Variants in STT3A observed in about 807,000 individuals in gnomAD.
STT3A encodes dolichyl-diphosphooligosaccharide--protein glycosyltransferase subunit STT3A.
A neutral mutation model predicts 89.2 loss-of-function variants in STT3A; 34 were observed. That is an observed-to-expected ratio of 0.38 (90% CI 0.29 to 0.51). STT3A has a LOEUF of 0.51. Among genes scored for constraint, STT3A ranks in the 20% least tolerant of loss-of-function variants. The pLI is 0.89. For synonymous variants in STT3A, 282 were observed against 310.3 expected (o/e 0.91, Z 0.96); for missense variants, 555 against 889.5 (o/e 0.62, Z 4.78).
At chr11:125,596,040 A>G in intron 2 of STT3A, 37 bp downstream of exon 2, 1 of 1,474,948 alleles carries the variant, frequency 6.8e-7, no homozygotes. Flanking sequence ...CTTTGGGGAT[A>G]GAAAGAAGAA....
At chr11:125,601,959 C>T (rs993539967) in intron 3 of STT3A, among the ~76,000 whole-genome samples, 4 of 151,960 alleles carry the variant, frequency 2.6e-5, no homozygotes, top group Non-Finnish European at 5.9e-5. Context: ...CCACCGTGCC[C>T]AGCTAATTTT....
At position 125,609,567 on chromosome 11, in the gene STT3A, G is replaced by C; in HGVS notation, c.1095G>C (p.Gln365His). 6.2e-7 allele frequency: 1 copy of C among 1,613,108 alleles called. No homozygotes were observed. Among genetic ancestry groups the C allele is most frequent in the Non-Finnish European group, 8.5e-7 (1 of 1,179,822 alleles). Residue 365 changes from glutamine (Q) to histidine (H), a missense_variant, in exon 10 of 18, where the codon CAG (glutamine) becomes CAC (histidine). By Grantham distance (24) the Gln-to-His change is conservative (BLOSUM62 0). Coordinates refer to ENST00000392708, the MANE Select transcript of STT3A (RefSeq NM_152713.5). ...TTWSSYYFDL[Q>H]LLVFMFPVGL... ...GGTCCTCATACTATTTTGACCTGCAGCTCCTCGTCTTCATGTTTCCAGGTA... is the reference window on the plus strand; with the variant it reads ...GGTCCTCATACTATTTTGACCTGCACCTCCTCGTCTTCATGTTTCCAGGTA...
At chr11:125,594,409 G>A (rs536720079) in intron 1 of STT3A, among the ~76,000 whole-genome samples, 2 of 151,866 alleles carry the variant, frequency 1.3e-5, no homozygotes, top group African/African-American at 2.4e-5. Flanking sequence ...GTGAAACCCC[G>A]TCTCTACTAA....
intron 8 of STT3A, 95 bp from the exon 9 acceptor site, chr11:125,608,014 C>A: frequency 7.6e-7 from 1 of 1,317,390 alleles, no homozygotes; most frequent in Non-Finnish European, 1.0e-6. Context: ...CTCATTTGAC[C>A]ATTTGGTTTG....
upstream of STT3A, chr11:125,592,752 T>G (rs961165142): frequency 1.4e-5 from 4 of 292,006 alleles, no homozygotes; most frequent in African/African-American, 8.9e-5. Flanking sequence ...CCTCCGGATT[T>G]GACAGACAGT....
chr11:125,592,319 C>A (rs143466088), upstream of STT3A: 18 of 431,416 alleles, frequency 4.2e-5, no homozygotes, highest in Middle Eastern at 1.0e-3. Context: ...AAAAGACGAA[C>A]TGTCTGGACC....
intron 16 of STT3A, 91 bp from the exon 17 acceptor site, chr11:125,619,920 C>A: frequency 9.3e-7 from 1 of 1,076,266 alleles, no homozygotes; most frequent in Non-Finnish European, 1.4e-6. Context: ...GAATAATCAT[C>A]AATTAGTAGA....
chr11:125,618,227 T>C, intron 15 of STT3A, 146 bp from the exon 16 acceptor site: 3 of 731,222 alleles, frequency 4.1e-6, no homozygotes, highest in Non-Finnish European at 2.2e-6. Context: ...TTTGCCCGTA[T>C]GTTGTCCTCA....
intron 4 of STT3A, 137 bp downstream of exon 4, chr11:125,602,561 T>G (rs1203734198): frequency 8.5e-7 from 1 of 1,181,274 alleles, no homozygotes; most frequent in Admixed American, 3.0e-5. Flanking sequence ...TTCCTAAAAG[T>G]GCATCTTACA....
In STT3A at chr11:125,596,106, A is replaced by G. The variant is rs12289190; in HGVS notation, c.88+103A>G. The G allele has an allele frequency of 0.065, 57,954 of 890,458 alleles. 2,774 individuals are homozygous for G. Among genetic ancestry groups the G allele is most frequent in the African/African-American group, 0.21 (12,537 of 58,382 alleles). 55.2% of individuals were successfully genotyped at this position (890,458 alleles called of 1,614,324 possible). ...TAAAATGCCTTGTTCTTTTTAGCAG[A>G]TTGTTACATTTTTCCATTCCTCATT... On this transcript the variant is annotated intron_variant, in intron 2 of 17. Transcript: ENST00000392708.
Position 125,613,055 on chromosome 11 carries a change from G to A in STT3A, c.1432G>A (p.Val478Met), listed in dbSNP as rs1940073238. 6.2e-7 allele frequency: 1 copy of A among 1,613,976 alleles called. No individual in the cohort carries two copies. The highest frequency in any genetic ancestry group is 8.5e-7 in the Non-Finnish European group (1 of 1,180,030). ...LITYTFHSTW[V>M]TSEAYSSPSI... ...CACCTACACCTTTCATTCAACCTGG[G>A]TGACCAGTGAGGCCTACTCTTCTCC... Residue 478 changes from valine to methionine, a missense_variant, in exon 13 of 18, where the codon GTG (valine) becomes ATG (methionine). Transcript: ENST00000392708. This position sits in a 1 kb window ranked among gnomAD's most constrained non-coding sequence, Gnocchi z 4.2.
chr11:125,596,222 T>C (rs1339888783), intron 2 of STT3A, among the ~76,000 whole-genome samples: 1 of 152,198 alleles, frequency 6.6e-6, no homozygotes, highest in Non-Finnish European at 1.5e-5. Context: ...CCCAGCACTT[T>C]GGGAGGCTGG....
rs571844782 is a variant in STT3A, at chr11:125,603,142, T to G, written c.417+194T>G. Reference sequence around the variant, plus strand: ...GTGTTTTTTATCATTAGCAACTGTTTGTCCTTATGAGAGTACAGTTGAAAG... The same window carrying G: ...GTGTTTTTTATCATTAGCAACTGTTGGTCCTTATGAGAGTACAGTTGAAAG... On this transcript the variant is annotated intron_variant, in intron 5 of 17. Coordinates refer to ENST00000392708, the MANE Select transcript of STT3A (RefSeq NM_152713.5). Among the ~76,000 whole-genome samples the G allele has an allele frequency of 3.9e-5, 6 of 152,288 alleles. No individual in the cohort carries two copies. The South Asian group carries it at 1.2e-3, about 32-fold the overall frequency.
intron 11 of STT3A, among the ~76,000 whole-genome samples, chr11:125,611,832 C>G (rs1940026851): frequency 1.4e-5 from 2 of 147,038 alleles, no homozygotes; most frequent in Admixed American, 1.4e-4. Context: ...GGAGTATTAC[C>G]CAGTGCTAGA....
intron 1 of STT3A, among the ~76,000 whole-genome samples, chr11:125,595,336 G>A (rs1471536497): frequency 6.6e-6 from 1 of 151,890 alleles, no homozygotes; most frequent in Non-Finnish European, 1.5e-5. Context: ...ACAGTTTTTT[G>A]TGGAGATGGG....
At chr11:125,599,446 G>C (rs12273364) in intron 3 of STT3A, among the ~76,000 whole-genome samples, 16,103 of 152,074 alleles carry the variant, frequency 0.11, 1,240 homozygotes, top group African/African-American at 0.22. Context: ...GGGTCTTGCT[G>C]TGTCACCCAG....
chr11:125,595,403 CCTT>C (rs1288234695), intron 1 of STT3A, among the ~76,000 whole-genome samples: 1 of 152,104 alleles, frequency 6.6e-6, no homozygotes, highest in Non-Finnish European at 1.5e-5. Flanking sequence ...GATCCTCCCT[CCTT>C]AGCCTCTGAA....
intron 12 of STT3A, 76 bp from the exon 13 acceptor site, chr11:125,612,913 T>C: frequency 2.6e-6 from 4 of 1,549,566 alleles, no homozygotes; most frequent in Non-Finnish European, 3.5e-6. Context: ...TCTATATGAA[T>C]GTGTCTAAGA....
At position 125,613,176 on chromosome 11, in the gene STT3A, A is replaced by C; in HGVS notation, c.1553A>C (p.Glu518Ala). The change falls in exon 13 of 18, where the codon GAG becomes GCG. Residue 518 changes from glutamate (E) to alanine (A), a missense_variant and splice_region_variant. Physicochemically the swap from Glu to Ala is moderately radical, Grantham distance 107. Coordinates refer to ENST00000392708, the MANE Select transcript of STT3A (RefSeq NM_152713.5). This position sits in a 1 kb window ranked among gnomAD's most constrained non-coding sequence, Gnocchi z 4.2. ...TATTGGCTTCGTCATAATACTCCAG[A>C]GGTGAAGATTTGGGAGGGGTGGGAA... ...AYYWLRHNTP[E>A]DAKVMSWWDY... 6.5e-7 allele frequency: 1 copy of C among 1,540,890 alleles called. No homozygotes were observed. Among genetic ancestry groups the C allele is most frequent in the Non-Finnish European group, 8.9e-7 (1 of 1,124,834 alleles).
Sources: allele counts gnomAD v4.1 joint callset (sites outside exome capture counted in the v4.1 genomes callset), GRCh38; gene constraint gnomAD v4.1.1; non-coding constraint Gnocchi (gnomAD v3.1); transcripts MANE v1.5; gene names NCBI Gene and HGNC (gene_info 2026-07-23, HGNC 2026-07-21).